The following WDR62 variants were observed in gnomAD, a reference collection of about 807,000 sequenced individuals.
WDR62 encodes the protein WD repeat-containing protein 62.
A neutral mutation model predicts 160.6 loss-of-function variants in WDR62; 112 were observed. That is an observed-to-expected ratio of 0.70 (90% confidence interval 0.60 to 0.82). The LOEUF is 0.82. Among genes scored for constraint, WDR62 ranks in the 40% least tolerant of loss-of-function variants. The probability of loss-of-function intolerance (pLI) is 0.00; values close to 1 mark genes in which losing one functional copy is unlikely to be tolerated. For synonymous variants in WDR62, 792 were observed against 815.1 expected (o/e 0.97, Z 0.48); for missense variants, 1,819 against 1,983.8 (o/e 0.92, Z 1.58).
Position 36,090,435 on chromosome 19 carries a change from A to C in WDR62, c.1959-10A>C, listed in dbSNP as rs767989054. 5 of 1,613,836 alleles carry C rather than the reference A, an allele frequency of 3.1e-6. No homozygotes were observed. In the African/African-American group the frequency reaches 6.7e-5, roughly 22 times the overall value. ...GCCCTGTTGGCCGCAACATGCCCCT[A>C]CTTCCCCAGAGTCTACAACACTGTG... On this transcript the variant is annotated splice_polypyrimidine_tract_variant and intron_variant, in intron 15 of 31. Transcript: ENST00000401500.
chr19:36,110,836 T>C, the WDR62 span, among the ~76,000 whole-genome samples: 5 of 152,118 alleles, frequency 3.3e-5, no homozygotes, highest in Non-Finnish European at 7.4e-5. Context: ...TGGTGACTGA[T>C]TTGCCTGGCA....
chr19:36,092,321 AAAAG>A (rs1012118078), intron 18 of WDR62, among the ~76,000 whole-genome samples: 1 of 152,078 alleles, frequency 6.6e-6, no homozygotes, highest in African/African-American at 2.4e-5. Flanking sequence ...AAAAAAAAAA[AAAAG>A]AAAATTGTAT....
chr19:36,066,508 A>G (rs1426898130), intron 5 of WDR62, 81 bp downstream of exon 5: 2 of 1,490,408 alleles, frequency 1.3e-6, no homozygotes, highest in African/African-American at 1.4e-5. Flanking sequence ...GAGCTACATG[A>G]GAGGACGCAG....
intron 13 of WDR62, among the ~76,000 whole-genome samples, chr19:36,088,088 A>C (rs1972361863): frequency 1.3e-5 from 2 of 151,846 alleles, no homozygotes; most frequent in African/African-American, 4.8e-5. Context: ...TGAGCCAATG[A>C]CTCCTCCTTG....
intron 25 of WDR62, 62 bp downstream of exon 25, chr19:36,101,836 A>G: frequency 6.6e-7 from 1 of 1,507,606 alleles, no homozygotes; most frequent in Non-Finnish European, 9.0e-7. Flanking sequence ...GCCAGTCACA[A>G]TGTCTAAGCA....
intron 1 of WDR62, 122 bp from the exon 2 acceptor site, chr19:36,058,658 C>T (rs117519172): frequency 0.022 from 16,349 of 734,902 alleles, 936 homozygotes; most frequent in South Asian, 0.12. Context: ...TGGTGGATGG[C>T]GTGGCCACAG....
chr19:36,085,596 C>A (rs1309371913), intron 12 of WDR62, among the ~76,000 whole-genome samples: 1 of 151,840 alleles, frequency 6.6e-6, no homozygotes, highest in Non-Finnish European at 1.5e-5. Flanking sequence ...CACGCCCCCA[C>A]CACACCCGGC....
In WDR62 at chr19:36,103,364, C is replaced by T. The variant is rs372642550; in HGVS notation, c.3536C>T (p.Ala1179Val). The change falls in exon 30 of 32, where the codon GCG becomes GTG. Residue 1179 changes from alanine to valine, a missense_variant. Physicochemically the swap from Ala to Val is moderately conservative, Grantham distance 64. Around this residue, in one of 3 missense-constraint regions of WDR62, gnomAD observed 770 missense variants for 734.2 expected, o/e 1.05. Transcript: ENST00000401500. ...RPPPPCLTSLASCVPASSVLP... is the reference protein window; with the variant it reads ...RPPPPCLTSLVSCVPASSVLP... ...ACAGCTCCCTGCCTTACGAGCCTGG[C>T]GTCCTGTGTCCCTGCTTCCTCCGTG... 133 of 1,614,080 alleles carry T rather than the reference C, an allele frequency of 8.2e-5. No homozygotes were observed. The highest frequency in any genetic ancestry group is 1.1e-4 in the Non-Finnish European group (124 of 1,180,026).
chr19:36,064,004 C>T (rs1158646651), intron 3 of WDR62, among the ~76,000 whole-genome samples: 1 of 152,200 alleles, frequency 6.6e-6, no homozygotes, highest in East Asian at 1.9e-4. Context: ...AGGCAGGGGA[C>T]TTCCTTGTGT....
intron 3 of WDR62, chr19:36,060,276 A>C (rs765163047): frequency 1.1e-5 from 6 of 568,426 alleles, no homozygotes; most frequent in African/African-American, 1.9e-5. Flanking sequence ...TTACGGGCTG[A>C]TCATGATCAG....
rs980710299 is a variant in WDR62 at position 36,081,489 on chromosome 19, T to C, written c.1290T>C (p.Thr430=). 9 of 1,614,124 alleles carry C rather than the reference T, an allele frequency of 5.6e-6. No homozygotes were observed. Among genetic ancestry groups the C allele is most frequent in the Non-Finnish European group, 7.6e-6 (9 of 1,180,036 alleles). The change falls in exon 10 of 32, where the codon ACT becomes ACC. Residue 430 remains threonine (T), a synonymous_variant. Transcript: ENST00000401500. ...RACLPSGSFL[T]CSSDNTIRFW... ...GTTTGCCATCAGGATCCTTTCTGAC[T>C]TGTTCTTCAGACAACACCATTCGCT... is the stretch of plus-strand genomic sequence containing the variant.
chr19:36,100,882 G>A lies in WDR62; in HGVS notation c.2867+7G>A, dbSNP rs756947370. 1.6e-5 allele frequency: 26 copies of A among 1,614,022 alleles called. No homozygotes were observed. The highest frequency in any genetic ancestry group is 1.9e-5 in the Non-Finnish European group (23 of 1,180,008). Reference sequence around the variant, plus strand: ...CAGTCACAGGGACAGACAGGTGGGTGTCCTTTCCACCAAGGGAGCCTTAGT... The same window carrying A: ...CAGTCACAGGGACAGACAGGTGGGTATCCTTTCCACCAAGGGAGCCTTAGT... On this transcript the variant is annotated splice_region_variant and intron_variant, in intron 23 of 31. Transcript: ENST00000401500.
At chr19:36,085,414 CTTTTTTTTTTTTT>C (rs35753706) in intron 12 of WDR62, among the ~76,000 whole-genome samples, 1 of 70,382 alleles carries the variant, frequency 1.4e-5, no homozygotes, top group African/African-American at 4.7e-5. Context: ...CACACCTGAC[CTTTTTTTTTTTTT>C]TTTTTTTTTT....
chr19:36,088,975 C>T, intron 13 of WDR62, 63 bp from the exon 14 acceptor site: 1 of 1,585,750 alleles, frequency 6.3e-7, no homozygotes, highest in Non-Finnish European at 8.6e-7. Context: ...TGGAGTTCCC[C>T]AGCTAGGGTC....
rs916133193 is a variant in WDR62, at chr19:36,066,275, G to T, written c.409G>T (p.Val137Leu). The change falls in exon 5 of 32, where the codon GTG becomes TTG. Residue 137 changes from valine to leucine, a missense_variant. Transcript: ENST00000401500. Reference sequence around the variant, plus strand: ...TCCCTAGAATGGGCATAGGCCTGCTGTGCGCATCTGGGATGTGGAGGAGAA... The same window carrying T: ...TCCCTAGAATGGGCATAGGCCTGCTTTGCGCATCTGGGATGTGGAGGAGAA... ...VTGENGHRPAVRIWDVEEKNQ... is the reference protein window; with the variant it reads ...VTGENGHRPALRIWDVEEKNQ... The T allele has an allele frequency of 2.5e-6, 4 of 1,614,096 alleles. No individual in the cohort carries two copies. Among genetic ancestry groups the T allele is most frequent in the Non-Finnish European group, 3.4e-6 (4 of 1,180,042 alleles).
chr19:36,081,967 T>C, intron 10 of WDR62: 1 of 401,548 alleles, frequency 2.5e-6, no homozygotes, highest in Non-Finnish European at 4.9e-6. Context: ...GGCAGAATGC[T>C]GGCGAGAGCC....
At position 36,099,382 on chromosome 19, in the gene WDR62, G is replaced by C. The variant is rs1191450589; in HGVS notation, c.2521-17G>C. 6.2e-7 allele frequency: 1 copy of C among 1,610,972 alleles called. No homozygotes were observed. Among genetic ancestry groups the C allele is most frequent in the East Asian group, 2.2e-5 (1 of 44,884 alleles). On this transcript the variant is annotated splice_polypyrimidine_tract_variant and intron_variant, in intron 21 of 31. Coordinates refer to ENST00000401500, the MANE Select transcript of WDR62 (RefSeq NM_001083961.2). ...TGAGCACTCAGCCAGTTGCCTGACT[G>C]TCCGATATCCTTCAAGCTAGGGGAC...
chr19:36,096,365 AG>A (rs1244274098), intron 20 of WDR62, among the ~76,000 whole-genome samples: 7 of 152,116 alleles, frequency 4.6e-5, no homozygotes, highest in Admixed American at 3.3e-4. Context: ...GACCTCTCAA[AG>A]TGGTGGGATT....
chr19:36,104,659 T>C lies in WDR62; in HGVS notation c.4295T>C (p.Leu1432Pro). Residue 1432 changes from leucine (L) to proline (P), a missense_variant, in exon 31 of 32, where the codon CTC becomes CCC. Transcript: ENST00000401500. ...CTGCAGACCACCTTCCAAGAAGCCCTCGACCTTTACCGTGTGGTGAGCTAA... is the reference window on the plus strand; with the variant it reads ...CTGCAGACCACCTTCCAAGAAGCCCCCGACCTTTACCGTGTGGTGAGCTAA... ...HRLQTTFQEA[L>P]DLYRVLVSSG... is the part of the protein sequence containing the mutation. 1 of 1,614,072 alleles carries C rather than the reference T, an allele frequency of 6.2e-7. No homozygotes were observed. Among genetic ancestry groups the C allele is most frequent in the Non-Finnish European group, 8.5e-7 (1 of 1,180,016 alleles).
Sources: allele counts gnomAD v4.1 joint callset (sites outside exome capture counted in the v4.1 genomes callset), GRCh38; gene constraint gnomAD v4.1.1; regional missense constraint gnomAD v4.1.1; transcripts MANE v1.5; gene names NCBI Gene and HGNC (gene_info 2026-07-23, HGNC 2026-07-21).